PCDH15: variants seen among roughly 807,000 people sequenced by gnomAD.
PCDH15 encodes protocadherin-15.
A neutral mutation model predicts 178.5 loss-of-function variants in PCDH15; 129 were observed. The observed-to-expected ratio is 0.72, with a 90% CI of 0.63 to 0.84. The LOEUF (loss-of-function observed/expected upper bound fraction) is 0.84, where lower values mean the gene tolerates loss of function less well. Among genes scored for constraint, PCDH15 ranks in the 40% least tolerant of loss-of-function variants. The pLI, the probability that PCDH15 is intolerant of heterozygous loss-of-function variation, is 0.00. For missense variants in PCDH15, 2,230 were observed against 2,099.9 expected, an observed-to-expected ratio of 1.06 and a Z score of -1.21; for synonymous variants, 800 against 732.0, an observed-to-expected ratio of 1.09 and a Z score of -1.50.
rs1054476980 is a variant in PCDH15 at position 53,827,480 on chromosome 10, G to T, written c.4280C>A (p.Pro1427Gln). Reference protein sequence around the residue: ...AALPAAKPAVPAPAPVAAPPP... With the variant: ...AALPAAKPAVQAPAPVAAPPP... Reference sequence around the variant, plus strand: ...GGGCGCTGCCACTGGTGCAGGAGCCGGCACTGCTGGTTTAGCCGCGGGTAA... The same window carrying T: ...GGGCGCTGCCACTGGTGCAGGAGCCTGCACTGCTGGTTTAGCCGCGGGTAA... Residue 1427 changes from proline to glutamine, a missense_variant, in exon 32 of 38, where the codon CCG (proline) becomes CAG (glutamine). Physicochemically the swap from Pro to Gln is moderately conservative, Grantham distance 76 (BLOSUM62 -1). Transcript: ENST00000644397. 1.9e-6 allele frequency: 3 copies of T among 1,614,026 alleles called. No individual in the cohort carries two copies. The highest frequency in any genetic ancestry group is 8.5e-7 in the Non-Finnish European group (1 of 1,179,932).
intron 3 of PCDH15, among the ~76,000 whole-genome samples, chr10:54,819,617 G>C (rs1406987850): frequency 6.6e-6 from 1 of 151,836 alleles, no homozygotes; most frequent in African/African-American, 2.4e-5. Context: ...TTATTTTCAC[G>C]AATGTTTCTC....
intron 23 of PCDH15, among the ~76,000 whole-genome samples, chr10:53,942,243 T>C (rs1195516246): frequency 6.9e-6 from 1 of 145,812 alleles, no homozygotes; most frequent in Non-Finnish European, 1.5e-5. Context: ...GTAAAGTAGA[T>C]ATTTAATTTA....
intron 1 of PCDH15, among the ~76,000 whole-genome samples, chr10:54,692,858 CA>C (rs2095151226): frequency 6.6e-6 from 1 of 152,092 alleles, no homozygotes; most frequent in Non-Finnish European, 1.5e-5. Flanking sequence ...AATAAATACT[CA>C]AGTAAATAAA....
chr10:54,561,580 T>A (rs149701804), intron 2 of PCDH15, among the ~76,000 whole-genome samples: 1 of 152,090 alleles, frequency 6.6e-6, no homozygotes, highest in East Asian at 1.9e-4. Flanking sequence ...ATAACTTAGA[T>A]GAAAGGAATT....
chr10:55,000,009 A>G (rs1169792382), intron 2 of PCDH15, among the ~76,000 whole-genome samples: 2 of 152,192 alleles, frequency 1.3e-5, no homozygotes, highest in African/African-American at 2.4e-5. Context: ...AAATGGAGGC[A>G]GGGCGAGATC....
chr10:54,785,259 G>A (rs576313691), intron 1 of PCDH15, among the ~76,000 whole-genome samples: 8 of 151,750 alleles, frequency 5.3e-5, no homozygotes, highest in African/African-American at 1.7e-4. Flanking sequence ...ATACATAGGA[G>A]CCTGGAGCCT....
chr10:54,656,645 G>A (rs952358880), intron 2 of PCDH15, among the ~76,000 whole-genome samples: 1 of 152,090 alleles, frequency 6.6e-6, no homozygotes, highest in Non-Finnish European at 1.5e-5. Context: ...CCCATAACCT[G>A]CTCTGACATC....
intron 2 of PCDH15, among the ~76,000 whole-genome samples, chr10:55,591,848 A>C (rs1842848226): frequency 6.6e-6 from 1 of 152,180 alleles, no homozygotes; most frequent in Non-Finnish European, 1.5e-5. Flanking sequence ...GATTTATTTG[A>C]AGAGTCGTAA....
chr10:55,367,513 C>G (rs1451738257), intron 2 of PCDH15, among the ~76,000 whole-genome samples: 1 of 151,872 alleles, frequency 6.6e-6, no homozygotes, highest in Non-Finnish European at 1.5e-5. Context: ...CTCAGAAAGT[C>G]AAGACTGAAG....
intron 3 of PCDH15, among the ~76,000 whole-genome samples, chr10:54,470,397 G>A (rs1393717641): frequency 6.6e-6 from 1 of 152,142 alleles, no homozygotes; most frequent in Non-Finnish European, 1.5e-5. Flanking sequence ...GTGCCTGGCT[G>A]CAGGTGGGGG....
intron 2 of PCDH15, among the ~76,000 whole-genome samples, chr10:54,963,217 G>C (rs1035326720): frequency 4.6e-5 from 7 of 152,064 alleles, no homozygotes; most frequent in Admixed American, 2.0e-4. Context: ...TCTTTCCTTA[G>C]CTGCTACCAT....
intron 30 of PCDH15, among the ~76,000 whole-genome samples, chr10:53,829,824 T>C (rs886655523): frequency 3.3e-5 from 5 of 152,174 alleles, no homozygotes; most frequent in African/African-American, 1.2e-4. Flanking sequence ...GGAGCTAGAA[T>C]TGGAAGGTCC....
At chr10:55,618,404 TAAC>T (rs1360085328) in intron 2 of PCDH15, among the ~76,000 whole-genome samples, 2 of 152,004 alleles carry the variant, frequency 1.3e-5, no homozygotes, top group Non-Finnish European at 2.9e-5. Flanking sequence ...AAATAAAAAT[TAAC>T]AATTTCAACT....
chr10:53,922,014 A>T (rs1347058824), intron 25 of PCDH15, among the ~76,000 whole-genome samples: 3 of 151,946 alleles, frequency 2.0e-5, no homozygotes, highest in Non-Finnish European at 4.4e-5. Flanking sequence ...TCTTTTTTAT[A>T]ATCATGGATT....
intron 2 of PCDH15, among the ~76,000 whole-genome samples, chr10:54,983,972 T>C (rs1195207581): frequency 6.6e-6 from 1 of 152,188 alleles, no homozygotes; most frequent in African/African-American, 2.4e-5. Flanking sequence ...TATGGATTTC[T>C]GGAATTCCAA....
intron 15 of PCDH15, among the ~76,000 whole-genome samples, chr10:54,129,320 G>C (rs2042235179): frequency 6.6e-6 from 1 of 152,094 alleles, no homozygotes; most frequent in Non-Finnish European, 1.5e-5. Context: ...GTAATAATTT[G>C]AATTAAGATA....
intron 2 of PCDH15, among the ~76,000 whole-genome samples, chr10:55,411,490 T>C (rs945239330): frequency 2.0e-5 from 3 of 152,116 alleles, no homozygotes; most frequent in African/African-American, 7.2e-5. Flanking sequence ...GTATACTCTC[T>C]CCAAGGCATA....
chr10:54,946,728 C>G (rs1315037646), intron 2 of PCDH15, among the ~76,000 whole-genome samples: 2 of 151,800 alleles, frequency 1.3e-5, no homozygotes, highest in African/African-American at 4.8e-5. Context: ...AATTTAAGCA[C>G]TTTACAAGGT....
At chr10:55,114,763 T>C (rs1000953424) in intron 2 of PCDH15, among the ~76,000 whole-genome samples, 21 of 152,174 alleles carry the variant, frequency 1.4e-4, no homozygotes, top group African/African-American at 4.8e-4. Context: ...CACAACTTCA[T>C]AGAACAGATT....
Sources: allele counts gnomAD v4.1 joint callset (sites outside exome capture counted in the v4.1 genomes callset), GRCh38; gene constraint gnomAD v4.1.1; transcripts MANE v1.5; gene names NCBI Gene and HGNC (gene_info 2026-07-23, HGNC 2026-07-21).